The following STARD13 variants were observed in gnomAD, a reference collection of about 807,000 sequenced individuals.
The protein encoded by STARD13 is stAR-related lipid transfer protein 13.
A neutral mutation model predicts 106.4 loss-of-function variants in STARD13; 62 were observed. The observed-to-expected ratio is 0.58, with a 90% CI of 0.48 to 0.72. The LOEUF (loss-of-function observed/expected upper bound fraction) is 0.72. STARD13 is among the 30% of genes least tolerant of loss of function. STARD13 has a pLI of 0.00. For missense variants in STARD13, 1,387 were observed against 1,424.0 expected (o/e 0.97, Z 0.42); for synonymous variants, 565 against 553.0 (o/e 1.02, Z -0.31).
At chr13:33,597,311 T>G in the STARD13 span, among the ~76,000 whole-genome samples, 1 of 152,228 alleles carries the variant, frequency 6.6e-6, no homozygotes, top group African/African-American at 2.4e-5. Flanking sequence ...TTCATATACT[T>G]GTTGGTCATT....
chr13:33,167,980 CTTTT>C (rs34360802), intron 1 of STARD13, among the ~76,000 whole-genome samples: 4,942 of 149,450 alleles, frequency 0.033, 164 homozygotes, highest in African/African-American at 0.086. Flanking sequence ...CTTTACAATT[CTTTT>C]TTTTTTTAAT....
At chr13:33,283,844 C>A (rs1184743070) in intron 1 of STARD13, among the ~76,000 whole-genome samples, 1 of 152,252 alleles carries the variant, frequency 6.6e-6, no homozygotes, top group Non-Finnish European at 1.5e-5. Flanking sequence ...AAAAATAACC[C>A]TCATTCCAAA....
chr13:33,489,752 G>A, the STARD13 span, among the ~76,000 whole-genome samples: 6 of 152,140 alleles, frequency 3.9e-5, no homozygotes, highest in East Asian at 7.7e-4. Flanking sequence ...AAGAAACAGC[G>A]ACGCACCATG....
At chr13:33,447,218 G>A in the STARD13 span, among the ~76,000 whole-genome samples, 34 of 152,284 alleles carry the variant, frequency 2.2e-4, no homozygotes, top group Admixed American at 1.0e-3. Flanking sequence ...AAACCGCAAG[G>A]ACCTAAAAAC....
intron 1 of STARD13, among the ~76,000 whole-genome samples, chr13:33,265,024 CAG>C (rs1421324143): frequency 2.0e-5 from 3 of 152,146 alleles, no homozygotes; most frequent in Non-Finnish European, 4.4e-5. Context: ...CTAATGAGCA[CAG>C]AGATCATTCA....
At chr13:33,482,266 A>G in the STARD13 span, among the ~76,000 whole-genome samples, 1 of 152,144 alleles carries the variant, frequency 6.6e-6, no homozygotes, top group South Asian at 2.1e-4. Context: ...TGTGTACGTG[A>G]GGGTTCATGG....
At chr13:33,292,823 A>G (rs1466645940) in intron 1 of STARD13, among the ~76,000 whole-genome samples, 1 of 152,122 alleles carries the variant, frequency 6.6e-6, no homozygotes, top group South Asian at 2.1e-4. Flanking sequence ...CTTTTAAACC[A>G]TGTCTCAGAC....
the STARD13 span, among the ~76,000 whole-genome samples, chr13:33,616,404 A>G: frequency 1.3e-5 from 2 of 152,256 alleles, no homozygotes; most frequent in East Asian, 1.9e-4. Context: ...CAAGAAGCAG[A>G]TAATAGACAA....
chr13:33,231,429 T>A (rs1888915956), intron 1 of STARD13, among the ~76,000 whole-genome samples: 1 of 152,112 alleles, frequency 6.6e-6, no homozygotes, highest in South Asian at 2.1e-4. Flanking sequence ...GTCCTGGGAC[T>A]CCTATAACAC....
the STARD13 span, among the ~76,000 whole-genome samples, chr13:33,595,677 CAG>C: frequency 6.6e-6 from 1 of 152,124 alleles, no homozygotes; most frequent in African/African-American, 2.4e-5. Flanking sequence ...TGGATTCACT[CAG>C]GGGAACCAAA....
chr13:33,290,280 C>T (rs1207010261), upstream of STARD13, among the ~76,000 whole-genome samples: 1 of 152,096 alleles, frequency 6.6e-6, no homozygotes, highest in Non-Finnish European at 1.5e-5. Context: ...AAGTGGCAGG[C>T]AGAAAAATGC....
At chr13:33,344,482 T>C (rs1049973578), downstream of STARD13, among the ~76,000 whole-genome samples, 1 of 149,898 alleles carries the variant, frequency 6.7e-6, no homozygotes, top group East Asian at 1.9e-4. Context: ...TTTGATATTA[T>C]AGAACACATT....
At chr13:33,431,485 T>G in the STARD13 span, among the ~76,000 whole-genome samples, 1 of 152,230 alleles carries the variant, frequency 6.6e-6, no homozygotes, top group Non-Finnish European at 1.5e-5. Context: ...CACATTATAT[T>G]TCTATTAGAT....
At chr13:33,234,053 T>C (rs564697826) in intron 1 of STARD13, among the ~76,000 whole-genome samples, 11 of 152,184 alleles carry the variant, frequency 7.2e-5, no homozygotes, top group Non-Finnish European at 1.6e-4. Flanking sequence ...GAGCCAAAGA[T>C]ATGTATGATC....
chr13:33,220,754 T>A (rs2555604), intron 1 of STARD13, among the ~76,000 whole-genome samples: 91,340 of 152,102 alleles, frequency 0.6, 28,088 homozygotes, highest in African/African-American at 0.71. Flanking sequence ...TAGAAAACAG[T>A]TGACTGAAAG....
the STARD13 span, among the ~76,000 whole-genome samples, chr13:33,483,856 C>T: frequency 6.6e-6 from 1 of 152,158 alleles, no homozygotes; most frequent in African/African-American, 2.4e-5. Flanking sequence ...GGACCTAGAC[C>T]AAACCACTGG....
the STARD13 span, among the ~76,000 whole-genome samples, chr13:33,388,762 T>A: frequency 6.6e-6 from 1 of 152,132 alleles, no homozygotes; most frequent in Non-Finnish European, 1.5e-5. Context: ...GTTACTCAGA[T>A]TAGCAGGCTG....
intron 1 of STARD13, among the ~76,000 whole-genome samples, chr13:33,175,987 G>A (rs764571527): frequency 1.3e-5 from 2 of 152,114 alleles, no homozygotes; most frequent in Non-Finnish European, 2.9e-5. Flanking sequence ...GTGAAAGAAG[G>A]AGCACAGATT....
the STARD13 span, among the ~76,000 whole-genome samples, chr13:33,660,894 G>A: frequency 6.6e-6 from 1 of 152,274 alleles, no homozygotes; most frequent in South Asian, 2.1e-4. Context: ...TGTGCTGTTA[G>A]ATTCCTAATG....
Sources: gnomAD v4.1 joint callset for allele counts (sites outside exome capture counted in the v4.1 genomes callset) on GRCh38, gnomAD v4.1.1 for gene constraint, MANE v1.5 for transcripts, NCBI Gene and HGNC (gene_info 2026-07-23, HGNC 2026-07-21) for gene names.